Variants in CD300E observed in about 807,000 individuals in gnomAD.
CD300E encodes CMRF35-like molecule 2.
CD300E carries 14 observed loss-of-function variants against 20.9 expected under a neutral mutation model. The ratio of observed to expected loss-of-function variants is 0.67; its 90% CI spans 0.44 to 1.05. The LOEUF is 1.05. CD300E is among the 50% of genes least tolerant of loss of function. The pLI is 0.00. For synonymous variants in CD300E, 102 were observed against 103.7 expected (o/e 0.98, Z 0.10); for missense variants, 237 against 253.9 (o/e 0.93, Z 0.45).
chr17:74,619,066 C>T, intron 1 of CD300E: 1 of 471,110 alleles, frequency 2.1e-6, no homozygotes, highest in South Asian at 1.6e-5. Context: ...CAGCTGCACA[C>T]CCCTCCTGAG....
chr17:74,617,752 G>A (rs2030936834), intron 1 of CD300E, among the ~76,000 whole-genome samples: 1 of 152,176 alleles, frequency 6.6e-6, no homozygotes, highest in Non-Finnish European at 1.5e-5. Context: ...CTCGTCCTGG[G>A]CCCTGCAGCC....
chr17:74,612,839 C>T (rs2030814308), intron 3 of CD300E, 66 bp from the exon 4 acceptor site: 1 of 1,588,530 alleles, frequency 6.3e-7, no homozygotes, highest in Non-Finnish European at 8.6e-7. Context: ...TCTCTCCCCA[C>T]CTCTCCCCAT....
intron 1 of CD300E, among the ~76,000 whole-genome samples, chr17:74,618,832 C>A (rs1029649048): frequency 6.6e-6 from 1 of 152,048 alleles, no homozygotes; most frequent in Non-Finnish European, 1.5e-5. Context: ...CCCTTCCCAG[C>A]CCCTACCCCA....
At chr17:74,613,548 C>T (rs2030830530) in intron 3 of CD300E, among the ~76,000 whole-genome samples, 2 of 152,312 alleles carry the variant, frequency 1.3e-5, no homozygotes, top group South Asian at 4.1e-4. Flanking sequence ...CCACAGACCC[C>T]ACAGACAGCT....
rs2030798317 is a variant in CD300E, at chr17:74,612,247, G to GTCTCTCTCTCTCTGTCTCTCTC, written c.*405_*406insGAGAGAGACAGAGAGAGAGAGA. 1 of 103,156 alleles carries GTCTCTCTCTCTCTGTCTCTCTC rather than the reference G, an allele frequency of 9.7e-6. No homozygotes were observed. The highest frequency in any genetic ancestry group is 3.6e-5 in the African/African-American group (1 of 27,418). 6.4% of individuals were successfully genotyped at this position (103,156 alleles called of 1,614,324 possible). A position where few individuals can be genotyped will look rare whatever the true frequency, so the allele number is the denominator to read the frequency against. On this transcript the variant is annotated 3_prime_UTR_variant, in exon 4 of 4. Transcript: ENST00000392619. ...TCGCTCTCTCTCTCTCTCTCTCTCT[G>GTCTCTCTCTCTCTGTCTCTCTC]TCTCTCTCTCTCTCTCTCTCTCTCT...
At chr17:74,621,562 G>C (rs576631894) in intron 1 of CD300E, among the ~76,000 whole-genome samples, 1 of 152,194 alleles carries the variant, frequency 6.6e-6, no homozygotes, top group Non-Finnish European at 1.5e-5. Context: ...ATATAAATGC[G>C]TCGGTGCATT....
At chr17:74,618,874 T>C (rs987059774) in intron 1 of CD300E, among the ~76,000 whole-genome samples, 3 of 151,106 alleles carry the variant, frequency 2.0e-5, no homozygotes, top group Middle Eastern at 3.2e-3. Flanking sequence ...TTTCCCGCTC[T>C]GTGCTCCCTT....
At position 74,613,946 on chromosome 17, in the gene CD300E, T is replaced by C. The variant is rs1393971272; in HGVS notation, c.476A>G (p.Glu159Gly). The C allele has an allele frequency of 6.2e-7, 1 of 1,613,278 alleles. No homozygotes were observed. The highest frequency in any genetic ancestry group is 2.2e-5 in the East Asian group (1 of 44,848). Reference protein sequence around the residue: ...VNPGRNLSTGEVLTQNSGFRL... With the variant: ...VNPGRNLSTGGVLTQNSGFRL... Reference sequence around the variant, plus strand: ...TTACCCTGAATTTTGGGTCAACACCTCCCCGGTGCTGAGGTTTCGCCCAGG... The same window carrying C: ...TTACCCTGAATTTTGGGTCAACACCCCCCCGGTGCTGAGGTTTCGCCCAGG... Residue 159 changes from glutamate (E) to glycine (G), a missense_variant, in exon 3 of 4, where the codon GAG becomes GGG. Transcript: ENST00000392619.
intron 1 of CD300E, among the ~76,000 whole-genome samples, chr17:74,619,921 T>C (rs1422794805): frequency 6.6e-6 from 1 of 152,176 alleles, no homozygotes; most frequent in Non-Finnish European, 1.5e-5. Context: ...ATCTGGAAGG[T>C]CACCCTAGAA....
chr17:74,612,755 A>T lies in CD300E; in HGVS notation c.516T>A (p.Pro172=). The T allele has an allele frequency of 6.2e-7, 1 of 1,613,860 alleles. No individual in the cohort carries two copies. The highest frequency in any genetic ancestry group is 8.5e-7 in the Non-Finnish European group (1 of 1,179,942). The change falls in exon 4 of 4, where the codon CCT becomes CCA. Residue 172 remains proline (P), a synonymous_variant. Coordinates refer to ENST00000392619, the MANE Select transcript of CD300E (RefSeq NM_181449.3). The part of the protein sequence containing the change: ...TQNSGFRLSS[P]HFLLVVLLKL... ...TCAGAAGGACCACGAGCAGGAAGTGAGGGCTGCTGAGCCGGAACCTGTGGT... is the reference window on the plus strand; with the variant it reads ...TCAGAAGGACCACGAGCAGGAAGTGTGGGCTGCTGAGCCGGAACCTGTGGT...
At chr17:74,621,783 C>T (rs1222383782) in intron 1 of CD300E, among the ~76,000 whole-genome samples, 3 of 152,130 alleles carry the variant, frequency 2.0e-5, no homozygotes, top group African/African-American at 4.8e-5. Context: ...TCCAGCTTGT[C>T]TACTTAGTTC....
At chr17:74,619,140 C>T (rs1018544163) in intron 1 of CD300E, 10 of 471,158 alleles carry the variant, frequency 2.1e-5, no homozygotes, top group Admixed American at 1.4e-4. Context: ...GGAGGTGGCA[C>T]ATCCCAGCAG....
intron 2 of CD300E, 142 bp downstream of exon 2, chr17:74,616,976 G>A: frequency 1.4e-6 from 1 of 733,342 alleles, no homozygotes; most frequent in Non-Finnish European, 2.3e-6. Context: ...CTCTCTCCAT[G>A]CCCATGCCAT....
In CD300E at chr17:74,617,106, G is replaced by A; in HGVS notation, c.388+12C>T. The A allele has an allele frequency of 1.9e-6, 3 of 1,611,290 alleles. No individual in the cohort carries two copies. The highest frequency in any genetic ancestry group is 2.7e-5 in the African/African-American group (2 of 75,018). On this transcript the variant is annotated intron_variant, in intron 2 of 3. Coordinates refer to ENST00000392619, the MANE Select transcript of CD300E (RefSeq NM_181449.3). ...CCCCAAACCCTGCTGCCAAAGTGAG[G>A]GGAGCTCTTACCTGGGGAAACATAC...
In CD300E at chr17:74,614,045, G is replaced by T. The variant is rs757011295; in HGVS notation, c.389-12C>A. On this transcript the variant is annotated splice_polypyrimidine_tract_variant and intron_variant, in intron 2 of 3. Transcript: ENST00000392619. ...TGGGGTTGTAATTGCTGTTGGAGATGAAAATGATGCATCAGCCGTGCCTGG... is the reference window on the plus strand; with the variant it reads ...TGGGGTTGTAATTGCTGTTGGAGATTAAAATGATGCATCAGCCGTGCCTGG... 3 of 1,602,282 alleles carry T rather than the reference G, an allele frequency of 1.9e-6. No homozygotes were observed. The highest frequency in any genetic ancestry group is 2.2e-5 in the East Asian group (1 of 44,796).
rs2030867399 is a variant in CD300E, at chr17:74,614,954, AC to A, written c.389-922del. 1.4e-4 allele frequency among the ~76,000 whole-genome samples: 22 copies of A among 152,250 alleles called. No individual in the cohort carries two copies. In the South Asian group the frequency reaches 4.6e-3, roughly 32 times the overall value. ...AGTTGTCCTGGAGGCTCAGCCCTTC[AC>A]CGGTGCCCGACACAGGCTCAGTGTG... On this transcript the variant is annotated intron_variant, in intron 2 of 3. Coordinates refer to ENST00000392619, the MANE Select transcript of CD300E (RefSeq NM_181449.3).
chr17:74,621,183 G>A lies in CD300E; in HGVS notation c.40+2399C>T, dbSNP rs565603258. 1.5e-4 allele frequency among the ~76,000 whole-genome samples: 23 copies of A among 152,294 alleles called. No individual in the cohort carries two copies. In the South Asian group the frequency reaches 4.1e-3, roughly 27 times the overall value. On this transcript the variant is annotated intron_variant, in intron 1 of 3. Coordinates refer to ENST00000392619, the MANE Select transcript of CD300E (RefSeq NM_181449.3). Reference sequence around the variant, plus strand: ...TACTTAATGTAAAAATATAACAAAAGCAAATTTTCATGCAAAGTATTGGCA... The same window carrying A: ...TACTTAATGTAAAAATATAACAAAAACAAATTTTCATGCAAAGTATTGGCA...
intron 1 of CD300E, among the ~76,000 whole-genome samples, chr17:74,620,901 G>A (rs889719875): frequency 1.3e-5 from 2 of 151,910 alleles, no homozygotes; most frequent in Non-Finnish European, 2.9e-5. Context: ...AAATTAGCCA[G>A]GTGTGGTGGC....
chr17:74,617,227 G>T lies in CD300E; in HGVS notation c.279C>A (p.Asn93Lys). ...EALAFTVTMQ[N>K]LNEDDAGSYW... ...AAGATCCAGCATCATCTTCATTGAG[G>T]TTCTGCATGGTCACAGTGAAGGCGA... is the stretch of plus-strand genomic sequence containing the variant. Residue 93 changes from asparagine to lysine, a missense_variant, in exon 2 of 4, where the codon AAC becomes AAA. Transcript: ENST00000392619. 2 of 1,614,196 alleles carry T rather than the reference G, an allele frequency of 1.2e-6. No homozygotes were observed. The highest frequency in any genetic ancestry group is 1.7e-6 in the Non-Finnish European group (2 of 1,180,034).
Sources: gnomAD v4.1 joint callset for allele counts (sites outside exome capture counted in the v4.1 genomes callset) on GRCh38, gnomAD v4.1.1 for gene constraint, MANE v1.5 for transcripts, NCBI Gene and HGNC (gene_info 2026-07-23, HGNC 2026-07-21) for gene names.